The following MEIKIN variants were observed in gnomAD, a reference collection of about 807,000 sequenced individuals.
MEIKIN encodes meiotic kinetochore factor.
chr5:131,907,638 C>G (rs949229874), intron 8 of MEIKIN, among the ~76,000 whole-genome samples: 4 of 151,160 alleles, frequency 2.6e-5, no homozygotes, highest in Non-Finnish European at 1.5e-5. Flanking sequence ...CTTTGGGAGG[C>G]CAAGGTGGGC....
intron 7 of MEIKIN, among the ~76,000 whole-genome samples, chr5:131,916,680 A>G (rs1282932579): frequency 6.6e-6 from 1 of 152,206 alleles, no homozygotes; most frequent in African/African-American, 2.4e-5. Context: ...CCTTTTTGCT[A>G]TCATTGCTGA....
chr5:131,912,390 C>T (rs972037059), intron 7 of MEIKIN, among the ~76,000 whole-genome samples: 1 of 151,734 alleles, frequency 6.6e-6, no homozygotes, highest in Non-Finnish European at 1.5e-5. Flanking sequence ...AAATTAATAT[C>T]CTGGGGTTTT....
intron 8 of MEIKIN, among the ~76,000 whole-genome samples, chr5:131,895,116 G>A (rs551777788): frequency 1.1e-4 from 17 of 152,226 alleles, no homozygotes; most frequent in Admixed American, 7.8e-4. Flanking sequence ...GAATTTTGTC[G>A]AAGGCCTCTT....
chr5:131,930,816 C>T (rs1331167780), intron 5 of MEIKIN, among the ~76,000 whole-genome samples: 3 of 152,080 alleles, frequency 2.0e-5, no homozygotes, highest in Non-Finnish European at 4.4e-5. Flanking sequence ...TAGTATTCTT[C>T]AGCTCCAAAA....
At chr5:131,899,876 T>C (rs977029043) in intron 8 of MEIKIN, among the ~76,000 whole-genome samples, 3 of 152,152 alleles carry the variant, frequency 2.0e-5, no homozygotes, top group African/African-American at 7.2e-5. Context: ...TTGCTGGAGA[T>C]TGCAACACTC....
At chr5:131,926,915 TAA>T (rs1751596297) in intron 5 of MEIKIN, among the ~76,000 whole-genome samples, 1 of 152,162 alleles carries the variant, frequency 6.6e-6, no homozygotes, top group Non-Finnish European at 1.5e-5. Flanking sequence ...TTAATCTAAC[TAA>T]AAGTTTGTCA....
chr5:131,913,600 C>G (rs564692918), intron 7 of MEIKIN, among the ~76,000 whole-genome samples: 81 of 152,302 alleles, frequency 5.3e-4, no homozygotes, highest in African/African-American at 1.7e-3. Flanking sequence ...TTCATCCTCT[C>G]CATGTATTCT....
At chr5:131,869,406 C>A (rs1750447517) in intron 9 of MEIKIN, among the ~76,000 whole-genome samples, 1 of 152,162 alleles carries the variant, frequency 6.6e-6, no homozygotes, top group Non-Finnish European at 1.5e-5. Context: ...GTCTTAAATA[C>A]AGGCAGTATC....
At chr5:131,849,906 G>A (rs1186657816) in intron 11 of MEIKIN, among the ~76,000 whole-genome samples, 1 of 151,626 alleles carries the variant, frequency 6.6e-6, no homozygotes, top group Non-Finnish European at 1.5e-5. Flanking sequence ...CAGACAACAT[G>A]GTATCACTGT....
chr5:131,892,122 A>G (rs767292504), intron 8 of MEIKIN, among the ~76,000 whole-genome samples: 2 of 152,144 alleles, frequency 1.3e-5, no homozygotes, highest in Non-Finnish European at 2.9e-5. Flanking sequence ...TGGGTAACCC[A>G]ACCTTTCTCT....
At chr5:131,877,264 AC>A (rs1750631783) in intron 9 of MEIKIN, among the ~76,000 whole-genome samples, 1 of 152,134 alleles carries the variant, frequency 6.6e-6, no homozygotes, top group Admixed American at 6.6e-5. Flanking sequence ...TGCCTGGAAT[AC>A]CATAAACAAA....
chr5:131,903,864 AC>A (rs1171950768), intron 8 of MEIKIN, among the ~76,000 whole-genome samples: 1 of 152,074 alleles, frequency 6.6e-6, no homozygotes, highest in African/African-American at 2.4e-5. Flanking sequence ...AAGAAACAAA[AC>A]CCAACAGTAT....
intron 5 of MEIKIN, among the ~76,000 whole-genome samples, chr5:131,925,490 T>A (rs1751573046): frequency 6.6e-6 from 1 of 152,178 alleles, no homozygotes; most frequent in African/African-American, 2.4e-5. Context: ...TTCTACTTCT[T>A]AAGTTTATTC....
chr5:131,874,437 C>T (rs1428857673), intron 9 of MEIKIN, among the ~76,000 whole-genome samples: 8 of 152,176 alleles, frequency 5.3e-5, no homozygotes, highest in Admixed American at 4.6e-4. Context: ...CGTCCCAAGA[C>T]TAAACCAGGA....
At chr5:131,825,944 T>C (rs567917816) in intron 11 of MEIKIN, among the ~76,000 whole-genome samples, 1 of 152,318 alleles carries the variant, frequency 6.6e-6, no homozygotes, top group African/African-American at 2.4e-5. Flanking sequence ...AGAAAATGAC[T>C]GTCAACTTAG....
chr5:131,890,073 T>C (rs1393439743), intron 8 of MEIKIN, among the ~76,000 whole-genome samples: 1 of 152,204 alleles, frequency 6.6e-6, no homozygotes. Context: ...CACTTGATCA[T>C]GGTGGATAAG....
chr5:131,883,302 A>G (rs1182142836), intron 8 of MEIKIN, among the ~76,000 whole-genome samples: 1 of 152,202 alleles, frequency 6.6e-6, no homozygotes, highest in Non-Finnish European at 1.5e-5. Context: ...AATCCTGCCT[A>G]TTACAAGACA....
chr5:131,880,780 T>C (rs772031139), intron 8 of MEIKIN, among the ~76,000 whole-genome samples: 5 of 152,240 alleles, frequency 3.3e-5, no homozygotes, highest in Non-Finnish European at 5.9e-5. Flanking sequence ...ATTTCTTATG[T>C]ATTCCTCAGC....
intron 8 of MEIKIN, among the ~76,000 whole-genome samples, chr5:131,882,529 T>A (rs1264567067): frequency 6.6e-6 from 1 of 152,220 alleles, no homozygotes; most frequent in Non-Finnish European, 1.5e-5. Flanking sequence ...AATGGTAATG[T>A]CAGGTGTTGT....
Sources: gnomAD v4.1 joint callset for allele counts (sites outside exome capture counted in the v4.1 genomes callset) on GRCh38, gnomAD v4.1.1 for gene constraint, MANE v1.5 for transcripts, NCBI Gene and HGNC (gene_info 2026-07-23, HGNC 2026-07-21) for gene names.